The following MRS2 variants were observed in gnomAD, a reference collection of about 807,000 sequenced individuals.
MRS2 encodes magnesium transporter MRS2, also known as magnesium transporter MRS2 homolog, mitochondrial.
MRS2 carries 40 observed loss-of-function variants against 52.6 expected under a neutral mutation model. The ratio of observed to expected loss-of-function variants is 0.76; its 90% CI spans 0.59 to 0.99. The LOEUF (loss-of-function observed/expected upper bound fraction) is 0.99. MRS2 is among the 50% of genes least tolerant of loss of function. The pLI is 0.00. For synonymous variants in MRS2, 193 were observed against 195.9 expected (o/e 0.98, Z 0.13); for missense variants, 472 against 532.7 (o/e 0.89, Z 1.12).
At chr6:24,410,207 G>A (rs917060952) in intron 4 of MRS2, among the ~76,000 whole-genome samples, 1 of 152,096 alleles carries the variant, frequency 6.6e-6, no homozygotes, top group Non-Finnish European at 1.5e-5. Flanking sequence ...TGAAACTCCC[G>A]ACCTCAGGTG....
intron 4 of MRS2, chr6:24,410,665 TAAGTA>T: frequency 5.5e-6 from 7 of 1,276,618 alleles, no homozygotes; most frequent in South Asian, 1.4e-5. Context: ...TAAAAATAAA[TAAGTA>T]AATAAAAAAT....
At chr6:24,404,051 TTGAAA>T (rs1761377790) in intron 1 of MRS2, among the ~76,000 whole-genome samples, 1 of 152,230 alleles carries the variant, frequency 6.6e-6, no homozygotes, top group Non-Finnish European at 1.5e-5. Flanking sequence ...ATAAAAGGTA[TTGAAA>T]TGAATGACTT....
At chr6:24,418,730 C>T (rs1316073076) in intron 9 of MRS2, 152 bp downstream of exon 9, 14 of 574,058 alleles carry the variant, frequency 2.4e-5, no homozygotes, top group Non-Finnish European at 2.8e-5. Context: ...GAAACCCTGT[C>T]TCTACTAAAA....
At chr6:24,420,343 C>T (rs528984183) in intron 9 of MRS2, among the ~76,000 whole-genome samples, 100 of 152,334 alleles carry the variant, frequency 6.6e-4, no homozygotes, top group African/African-American at 2.2e-3. Flanking sequence ...CTTCCATCTG[C>T]TACATTCCTT....
intron 9 of MRS2, among the ~76,000 whole-genome samples, chr6:24,421,939 A>T (rs1240825389): frequency 2.0e-5 from 3 of 152,214 alleles, no homozygotes; most frequent in Non-Finnish European, 4.4e-5. Context: ...ACTTTAGGCC[A>T]GGAGTTCGAG....
At chr6:24,409,702 T>C (rs916117589) in intron 4 of MRS2, 129 bp downstream of exon 4, 2 of 598,110 alleles carry the variant, frequency 3.3e-6, no homozygotes, top group Non-Finnish European at 5.9e-6. Flanking sequence ...ACATAGGATG[T>C]TTTATAGCTT....
At chr6:24,417,790 A>C (rs1761899187) in intron 7 of MRS2, among the ~76,000 whole-genome samples, 1 of 152,156 alleles carries the variant, frequency 6.6e-6, no homozygotes, top group South Asian at 2.1e-4. Flanking sequence ...AAAAATACAA[A>C]AATTAGCTGG....
chr6:24,412,216 TAA>T lies in MRS2; in HGVS notation c.415-5_415-4del. On this transcript the variant is annotated splice_region_variant and splice_polypyrimidine_tract_variant and intron_variant, in intron 4 of 10. Coordinates refer to ENST00000378386, the MANE Select transcript of MRS2 (RefSeq NM_020662.4). The stretch of plus-strand genomic sequence containing the variant: ...TTATATGTTTTGGTTTTTTTTTTTT[TAA>T]CAGTATTTGAAAGCTGTGATAACTC... 6.5e-7 allele frequency: 1 copy of T among 1,534,400 alleles called. No individual in the cohort carries two copies. The highest frequency in any genetic ancestry group is 8.7e-7 in the Non-Finnish European group (1 of 1,143,844).
At chr6:24,418,769 G>A in intron 9 of MRS2, 191 bp downstream of exon 9, 2 of 425,074 alleles carry the variant, frequency 4.7e-6, no homozygotes, top group Non-Finnish European at 8.8e-6. Flanking sequence ...CACGGTGGCA[G>A]GCACCTGTAA....
At position 24,418,113 on chromosome 6, in the gene MRS2, C is replaced by T; in HGVS notation, c.866C>T (p.Ala289Val). 2 of 1,613,140 alleles carry T rather than the reference C, an allele frequency of 1.2e-6. No individual in the cohort carries two copies. The highest frequency in any genetic ancestry group is 8.5e-7 in the Non-Finnish European group (1 of 1,179,654). ...AAGAGCAGTGCTGGGATTGACCATG[C>T]AGAAGAGATGGAGTTGCTGTTGGAA... ...FEKSSAGIDH[A>V]EEMELLLENY... Residue 289 changes from alanine to valine, a missense_variant, in exon 8 of 11, where the codon GCA becomes GTA. Transcript: ENST00000378386.
rs1384467649 is a variant in MRS2 at position 24,423,743 on chromosome 6, CT to C, written c.*51del. The C allele has an allele frequency of 1.2e-5, 10 of 829,944 alleles. No homozygotes were observed. In the East Asian group the frequency reaches 2.3e-4, roughly 19 times the overall value. The allele number at this position is 829,944 out of a possible 1,614,324, so 51.4% of individuals were successfully genotyped here. A position where few individuals can be genotyped will look rare whatever the true frequency, so the allele number is the denominator to read the frequency against. On this transcript the variant is annotated 3_prime_UTR_variant, in exon 11 of 11. Transcript: ENST00000378386. Reference sequence around the variant, plus strand: ...TTTTTTTTATGGTAGTTACAGGAAACTTCTGATACTCTTTTTATTATTTTCT... The same window carrying C: ...TTTTTTTTATGGTAGTTACAGGAAACTCTGATACTCTTTTTATTATTTTCT...
At chr6:24,411,355 A>G (rs1338008615) in intron 4 of MRS2, among the ~76,000 whole-genome samples, 2 of 152,122 alleles carry the variant, frequency 1.3e-5, no homozygotes, top group Non-Finnish European at 1.5e-5. Context: ...ATATTGTTCT[A>G]AATTAGAGTA....
At chr6:24,411,776 A>G (rs996193141) in intron 4 of MRS2, among the ~76,000 whole-genome samples, 4 of 151,590 alleles carry the variant, frequency 2.6e-5, no homozygotes, top group African/African-American at 9.7e-5. Flanking sequence ...TGACCTCATG[A>G]TCCACCTTCC....
intron 5 of MRS2, among the ~76,000 whole-genome samples, chr6:24,412,775 A>C (rs1406764122): frequency 2.0e-5 from 3 of 152,170 alleles, no homozygotes; most frequent in Non-Finnish European, 2.9e-5. Context: ...CCTTTAAATT[A>C]AGAGTCCTTA....
At chr6:24,421,946 C>T (rs1581712175) in intron 9 of MRS2, among the ~76,000 whole-genome samples, 1 of 152,110 alleles carries the variant, frequency 6.6e-6, no homozygotes, top group Admixed American at 6.6e-5. Flanking sequence ...GCCAGGAGTT[C>T]GAGACCAGCC....
In MRS2 at chr6:24,416,483, G is replaced by A. The variant is rs1206520185; in HGVS notation, c.806G>A (p.Cys269Tyr). The A allele has an allele frequency of 2.5e-6, 4 of 1,597,648 alleles. No homozygotes were observed. Among genetic ancestry groups the A allele is most frequent in the Middle Eastern group, 1.7e-4 (1 of 5,858 alleles). ...LDEEELLEELCVSKWSDPQVF... is the reference protein window; with the variant it reads ...LDEEELLEELYVSKWSDPQVF... ...GAGGAAGAGTTGCTAGAAGAGCTCT[G>A]TGTATCAAAATGGAGTGACCCACAA... Residue 269 changes from cysteine (C) to tyrosine (Y), a missense_variant, in exon 7 of 11, where the codon TGT (cysteine) becomes TAT (tyrosine). Transcript: ENST00000378386.
rs767450213 is a variant in MRS2, at chr6:24,416,463, A to G, written c.786A>G (p.Glu262=). The change falls in exon 7 of 11, where the codon GAA becomes GAG. Residue 262 remains glutamate (E), a synonymous_variant. Transcript: ENST00000378386. The part of the protein sequence containing the change: ...KESILEILDE[E]ELLEELCVSK... ...CAATTTTGGAGATCTTGGATGAGGA[A>G]GAGTTGCTAGAAGAGCTCTGTGTAT... 93 of 1,606,178 alleles carry G rather than the reference A, an allele frequency of 5.8e-5. 1 individual carries two copies. The highest frequency in any genetic ancestry group is 8.4e-5 in the Admixed American group (5 of 59,758).
intron 9 of MRS2, 26 bp from the exon 10 acceptor site, chr6:24,422,911 T>C (rs527887624): frequency 2.0e-6 from 3 of 1,524,484 alleles, no homozygotes; most frequent in Admixed American, 1.8e-5. Context: ...CGTTTTGCGA[T>C]GGAAATGAAC....
intron 3 of MRS2, 49 bp downstream of exon 3, chr6:24,408,493 T>A: frequency 8.0e-7 from 1 of 1,254,104 alleles, no homozygotes; most frequent in Non-Finnish European, 1.2e-6. Context: ...AATGAGTGAA[T>A]CTGATAGAAA....
Sources: gnomAD v4.1 joint callset for allele counts (sites outside exome capture counted in the v4.1 genomes callset) on GRCh38, gnomAD v4.1.1 for gene constraint, MANE v1.5 for transcripts, NCBI Gene and HGNC (gene_info 2026-07-23, HGNC 2026-07-21) for gene names.